The following NRXN1 variants were observed in gnomAD, a reference collection of about 807,000 sequenced individuals.
The protein encoded by NRXN1 is neurexin-1.
Under a neutral mutation model 150.9 loss-of-function variants are expected in NRXN1, and 39 were observed. The ratio of observed to expected loss-of-function variants is 0.26; its 90% CI spans 0.20 to 0.34. NRXN1 has a LOEUF of 0.34. NRXN1 is among the 10% of genes least tolerant of loss of function. NRXN1 has a pLI of 1.00. For synonymous variants in NRXN1, 924 were observed against 757.0 expected (o/e 1.22, Z -3.62); for missense variants, 1,815 against 1,949.9 (o/e 0.93, Z 1.30).
rs557939197 is a variant in NRXN1, at chr2:50,830,181, G to C, written c.832+91688C>G. Among the ~76,000 whole-genome samples, 8 of 152,072 alleles carry C rather than the reference G, an allele frequency of 5.3e-5. No homozygotes were observed. In the East Asian group the frequency reaches 1.2e-3, roughly 22 times the overall value. On this transcript the variant is annotated intron_variant, in intron 5 of 22. Coordinates refer to ENST00000401669, the MANE Select transcript of NRXN1 (RefSeq NM_001330078.2). ...TTATTTATGCTCTTCAATAGATTCA[G>C]CTACCAATACATACAGATTTGGATT...
intron 5 of NRXN1, among the ~76,000 whole-genome samples, chr2:50,811,418 A>AAT (rs1668197380): frequency 6.6e-6 from 1 of 152,212 alleles, no homozygotes; most frequent in African/African-American, 2.4e-5. Context: ...GATGTCACAG[A>AAT]CAAAGAATCA....
intron 2 of NRXN1, among the ~76,000 whole-genome samples, chr2:50,929,290 T>TA (rs1246948940): frequency 6.6e-6 from 1 of 152,040 alleles, no homozygotes. Context: ...TCATGACCAG[T>TA]AAAAAATTAA....
chr2:50,358,505 C>A (rs1404836071), intron 17 of NRXN1, among the ~76,000 whole-genome samples: 2 of 152,216 alleles, frequency 1.3e-5, no homozygotes, highest in African/African-American at 4.8e-5. Context: ...CACCACAAAG[C>A]CGCTATAGCC....
At chr2:50,525,419 A>T (rs1161031343) in intron 12 of NRXN1, among the ~76,000 whole-genome samples, 1 of 152,184 alleles carries the variant, frequency 6.6e-6, no homozygotes, top group African/African-American at 2.4e-5. Flanking sequence ...CTAAGAAAGA[A>T]AGAGGAGGCA....
chr2:50,669,319 T>G (rs1223073120), intron 5 of NRXN1, among the ~76,000 whole-genome samples: 2 of 151,964 alleles, frequency 1.3e-5, no homozygotes, highest in African/African-American at 4.8e-5. Context: ...TTTATCTTTT[T>G]AAGTCTTTGA....
At chr2:50,568,348 G>A (rs764018475) in intron 8 of NRXN1, among the ~76,000 whole-genome samples, 8 of 152,106 alleles carry the variant, frequency 5.3e-5, no homozygotes, top group African/African-American at 1.9e-4. Flanking sequence ...TAAACAAAGT[G>A]AAGAGACAAC....
intron 5 of NRXN1, among the ~76,000 whole-genome samples, chr2:50,901,928 G>A (rs553882217): frequency 2.4e-4 from 37 of 152,250 alleles, no homozygotes; most frequent in African/African-American, 7.9e-4. Context: ...GAGACACTAA[G>A]GAGTTAAATA....
chr2:50,772,745 T>C (rs550917176), intron 5 of NRXN1, among the ~76,000 whole-genome samples: 2 of 152,210 alleles, frequency 1.3e-5, no homozygotes, highest in South Asian at 4.1e-4. Flanking sequence ...TGGGCCAATG[T>C]CCACACAGAG....
At chr2:50,029,194 T>C (rs1353503320) in intron 21 of NRXN1, among the ~76,000 whole-genome samples, 1 of 152,178 alleles carries the variant, frequency 6.6e-6, no homozygotes, top group Non-Finnish European at 1.5e-5. Flanking sequence ...CAGCTATCTG[T>C]GAAGCAGGAA....
chr2:50,682,032 T>C (rs1031656387), intron 5 of NRXN1, among the ~76,000 whole-genome samples: 4 of 152,164 alleles, frequency 2.6e-5, no homozygotes, highest in Non-Finnish European at 5.9e-5. Flanking sequence ...AACATAAATG[T>C]GCCTGGCACA....
chr2:50,787,516 C>G (rs1705301718), intron 5 of NRXN1, among the ~76,000 whole-genome samples: 1 of 149,024 alleles, frequency 6.7e-6, no homozygotes, highest in Non-Finnish European at 1.5e-5. Context: ...GAGCCGAGAT[C>G]ACACCATTGA....
chr2:50,590,700 C>A (rs1163062062), intron 8 of NRXN1, among the ~76,000 whole-genome samples: 2 of 152,086 alleles, frequency 1.3e-5, no homozygotes, highest in African/African-American at 4.8e-5. Flanking sequence ...CTTACTTCTG[C>A]TATGTGAGGA....
chr2:50,582,268 G>T (rs900732068), intron 8 of NRXN1, among the ~76,000 whole-genome samples: 4 of 151,846 alleles, frequency 2.6e-5, no homozygotes, highest in Non-Finnish European at 5.9e-5. Context: ...AAGGGCTCAC[G>T]CTTATAATCC....
intron 5 of NRXN1, among the ~76,000 whole-genome samples, chr2:50,826,495 T>A (rs926590598): frequency 6.6e-6 from 1 of 151,976 alleles, no homozygotes; most frequent in Admixed American, 6.6e-5. Flanking sequence ...TAGATGATGG[T>A]GGCCTGACTA....
At chr2:50,245,483 T>G (rs2066414701) in intron 17 of NRXN1, among the ~76,000 whole-genome samples, 1 of 151,902 alleles carries the variant, frequency 6.6e-6, no homozygotes, top group African/African-American at 2.4e-5. Context: ...AGTAATCAAT[T>G]TGTATTAAAG....
chr2:50,341,042 A>T (rs144561745), intron 17 of NRXN1, among the ~76,000 whole-genome samples: 1,801 of 151,494 alleles, frequency 0.012, 130 homozygotes, highest in Admixed American at 0.11. Context: ...AGTGTAGATG[A>T]ATTAGTGCAG....
At chr2:50,730,877 G>A (rs910558635) in intron 5 of NRXN1, among the ~76,000 whole-genome samples, 15 of 151,932 alleles carry the variant, frequency 9.9e-5, no homozygotes, top group African/African-American at 3.1e-4. Context: ...GTTTCACCGC[G>A]TTAGCCAGGA....
chr2:50,929,849 G>A (rs1558439629), intron 2 of NRXN1, among the ~76,000 whole-genome samples: 1 of 152,002 alleles, frequency 6.6e-6, no homozygotes, highest in East Asian at 1.9e-4. Context: ...TATTAGCAGT[G>A]AAAGCCTTTA....
chr2:50,050,913 A>G (rs1232428315), intron 21 of NRXN1, among the ~76,000 whole-genome samples: 2 of 152,038 alleles, frequency 1.3e-5, no homozygotes, highest in Non-Finnish European at 2.9e-5. Context: ...CTTGTAACAT[A>G]TTAAGTCAAA....
Sources: allele counts gnomAD v4.1 joint callset (sites outside exome capture counted in the v4.1 genomes callset), GRCh38; gene constraint gnomAD v4.1.1; transcripts MANE v1.5; gene names NCBI Gene and HGNC (gene_info 2026-07-23, HGNC 2026-07-21).